The following SPTBN1 variants were observed in gnomAD, a reference collection of about 807,000 sequenced individuals.
SPTBN1 encodes the protein spectrin beta chain, non-erythrocytic 1.
In SPTBN1, 32 loss-of-function variants were observed where a neutral mutation model predicts 266.4. The ratio of observed to expected loss-of-function variants is 0.12; its 90% CI spans 0.09 to 0.16. The LOEUF (loss-of-function observed/expected upper bound fraction) is 0.16, where lower values mean the gene tolerates loss of function less well. SPTBN1 is among the 10% of genes least tolerant of loss of function. The pLI is 1.00. For synonymous variants in SPTBN1, 1,336 were observed against 1,162.2 expected (o/e 1.15, Z -3.04); for missense variants, 2,296 against 3,067.1 (o/e 0.75, Z 5.94).
At chr2:54,519,456 T>G (rs1001122713) in intron 1 of SPTBN1, among the ~76,000 whole-genome samples, 2 of 152,106 alleles carry the variant, frequency 1.3e-5, no homozygotes, top group African/African-American at 4.8e-5. Context: ...TTCCTGGATG[T>G]AGTGATACCT....
At chr2:54,630,739 C>A in intron 15 of SPTBN1, 116 bp from the exon 16 acceptor site, 1 of 1,302,290 alleles carries the variant, frequency 7.7e-7, no homozygotes, top group Non-Finnish European at 1.0e-6. Context: ...AGCATGTAGT[C>A]AAAGCACAGA....
chr2:54,590,124 A>C (rs529617951), intron 2 of SPTBN1, among the ~76,000 whole-genome samples: 8 of 152,372 alleles, frequency 5.3e-5, no homozygotes, highest in African/African-American at 1.9e-4. Flanking sequence ...TAAAACAAGC[A>C]AACAAAAAAC....
chr2:54,569,655 T>C (rs566184538), intron 2 of SPTBN1, among the ~76,000 whole-genome samples: 1 of 152,262 alleles, frequency 6.6e-6, no homozygotes, highest in Admixed American at 6.5e-5. Context: ...AATCAGACAA[T>C]TACTTACCAG....
chr2:54,619,139 T>C (rs1031868775), intron 7 of SPTBN1, among the ~76,000 whole-genome samples: 19 of 152,342 alleles, frequency 1.2e-4, no homozygotes, highest in African/African-American at 4.3e-4. Context: ...CTTTTAAATA[T>C]AGAACAGGAA....
chr2:54,667,901 G>T (rs1681469721), intron 35 of SPTBN1, among the ~76,000 whole-genome samples: 1 of 152,174 alleles, frequency 6.6e-6, no homozygotes, highest in African/African-American at 2.4e-5. Flanking sequence ...CAGGGATGAG[G>T]CATAGTGAGG....
intron 1 of SPTBN1, among the ~76,000 whole-genome samples, chr2:54,473,695 G>T (rs1694041812): frequency 6.6e-6 from 1 of 152,138 alleles, no homozygotes; most frequent in African/African-American, 2.4e-5. Flanking sequence ...TTTAGAGTGT[G>T]CATTCCTTTA....
At chr2:54,516,741 T>A (rs1670129407) in intron 1 of SPTBN1, among the ~76,000 whole-genome samples, 1 of 152,210 alleles carries the variant, frequency 6.6e-6, no homozygotes, top group Non-Finnish European at 1.5e-5. Context: ...TTAGAAAGTT[T>A]ATTTTGTCAA....
intron 7 of SPTBN1, among the ~76,000 whole-genome samples, chr2:54,619,658 T>TAA (rs76170039): frequency 0.15 from 22,128 of 152,174 alleles, 1,668 homozygotes; most frequent in Middle Eastern, 0.23. Flanking sequence ...CCTTCTCACT[T>TAA]CTTTGAGTTT....
intron 2 of SPTBN1, among the ~76,000 whole-genome samples, chr2:54,581,199 G>T (rs1674874274): frequency 6.6e-6 from 1 of 152,128 alleles, no homozygotes; most frequent in South Asian, 2.1e-4. Context: ...ATTGTGGAAT[G>T]GCTATATTGA....
rs1679869071 is a variant in SPTBN1, at chr2:54,645,562, C to G, written c.4494+109C>G. ...CCTCACCTTGGGCCACGTTGGCAAG[C>G]TGAGCTGCCAAAGTCCACGCTCTGG... On this transcript the variant is annotated intron_variant, in intron 21 of 35. Transcript: ENST00000356805. This position sits in a 1 kb window ranked among gnomAD's most constrained non-coding sequence, Gnocchi z 4.3. 3.4e-6 allele frequency: 4 copies of G among 1,181,410 alleles called. No homozygotes were observed. The highest frequency in any genetic ancestry group is 2.6e-5 in the East Asian group (1 of 39,156). 73.2% of individuals were successfully genotyped at this position (1,181,410 alleles called of 1,614,324 possible).
intron 1 of SPTBN1, among the ~76,000 whole-genome samples, chr2:54,503,982 C>T (rs1329129358): frequency 6.6e-6 from 1 of 152,200 alleles, no homozygotes. Flanking sequence ...TTTGGTTTAT[C>T]ACCAACTACT....
At chr2:54,484,724 G>A (rs1002386883) in intron 1 of SPTBN1, among the ~76,000 whole-genome samples, 4 of 150,582 alleles carry the variant, frequency 2.7e-5, no homozygotes, top group Admixed American at 1.3e-4. Context: ...GGAGTAGTTC[G>A]TTGGTTTTCC....
Position 54,646,313 on chromosome 2 carries a change from C to A in SPTBN1, c.4704C>A (p.Ala1568=), listed in dbSNP as rs758733152. 1.2e-6 allele frequency: 2 copies of A among 1,614,176 alleles called. No individual in the cohort carries two copies. Among genetic ancestry groups the A allele is most frequent in the East Asian group, 2.2e-5 (1 of 44,876 alleles). Residue 1568 remains alanine, a synonymous_variant, in exon 23 of 36, where the codon GCC becomes GCA. Transcript: ENST00000356805. This position sits in a 1 kb window ranked among gnomAD's most constrained non-coding sequence, Gnocchi z 4.4. The part of the protein sequence containing the change: ...LSAEAIRQRL[A]DLKQLWGLLI... ...CTGAGGCCATCAGACAGAGGCTTGC[C>A]GACCTGAAGCAGCTGTGGGGTCTCC...
intron 17 of SPTBN1, among the ~76,000 whole-genome samples, chr2:54,636,053 A>T (rs1274168430): frequency 6.6e-6 from 1 of 152,236 alleles, no homozygotes; most frequent in East Asian, 1.9e-4. Context: ...GACATTTTCA[A>T]GGGGAAAACT....
intron 1 of SPTBN1, among the ~76,000 whole-genome samples, chr2:54,476,739 G>A (rs1473945739): frequency 2.0e-5 from 3 of 152,194 alleles, no homozygotes; most frequent in Non-Finnish European, 2.9e-5. Context: ...ATTAATACTT[G>A]CATTGGGAAG....
At chr2:54,650,143 G>A (rs1255003415) in intron 26 of SPTBN1, among the ~76,000 whole-genome samples, 154 bp downstream of exon 26, 1 of 152,160 alleles carries the variant, frequency 6.6e-6, no homozygotes, top group Non-Finnish European at 1.5e-5. Context: ...TGCTCCATTT[G>A]GGAGAACTTA....
chr2:54,584,198 T>G (rs1421124783), intron 2 of SPTBN1, among the ~76,000 whole-genome samples: 2 of 152,240 alleles, frequency 1.3e-5, no homozygotes, highest in Non-Finnish European at 2.9e-5. Flanking sequence ...GAAGCCTGTA[T>G]GCTGTAGGTT....
intron 18 of SPTBN1, among the ~76,000 whole-genome samples, chr2:54,639,715 C>T (rs1254634412): frequency 6.6e-6 from 1 of 152,244 alleles, no homozygotes; most frequent in Non-Finnish European, 1.5e-5. Context: ...TTTGTTTCCA[C>T]TTGCTCTAAA....
chr2:54,527,870 C>A (rs1251299694), intron 2 of SPTBN1: 22 of 152,126 alleles, frequency 1.4e-4, no homozygotes, highest in Admixed American at 1.4e-3. Flanking sequence ...CAGGATGCAC[C>A]CCTTAGAGTG....
Sources: gnomAD v4.1 joint callset for allele counts (sites outside exome capture counted in the v4.1 genomes callset) on GRCh38, gnomAD v4.1.1 for gene constraint, Gnocchi (gnomAD v3.1) non-coding constraint, MANE v1.5 for transcripts, NCBI Gene and HGNC (gene_info 2026-07-23, HGNC 2026-07-21) for gene names.